The following LRP1B variants were observed in gnomAD, a reference collection of about 807,000 sequenced individuals.
LRP1B encodes low-density lipoprotein receptor-related protein 1B.
Under a neutral mutation model 556.6 loss-of-function variants are expected in LRP1B, and 217 were observed. The observed-to-expected ratio is 0.39, with a 90% CI of 0.35 to 0.44. LRP1B has a LOEUF of 0.44. LRP1B is among the 20% of genes least tolerant of loss of function. The probability of loss-of-function intolerance (pLI) is 1.00; values close to 1 mark genes in which losing one functional copy is unlikely to be tolerated. For missense variants in LRP1B, 5,053 were observed against 5,620.8 expected (o/e 0.90, Z 3.23); for synonymous variants, 2,047 against 1,865.8 (o/e 1.10, Z -2.50).
At chr2:140,736,440 G>A (rs146262241) in intron 35 of LRP1B, among the ~76,000 whole-genome samples, 98 of 152,130 alleles carry the variant, frequency 6.4e-4, no homozygotes, top group African/African-American at 2.3e-3. Flanking sequence ...AGCCAAAAGA[G>A]CAAAGCTGGA....
intron 1 of LRP1B, among the ~76,000 whole-genome samples, chr2:141,935,976 C>T (rs1700625465): frequency 6.6e-6 from 1 of 152,074 alleles, no homozygotes; most frequent in Admixed American, 6.6e-5. Flanking sequence ...TAAATCATGC[C>T]ACTTTCAAGT....
At chr2:141,744,809 C>G (rs562611956) in intron 2 of LRP1B, among the ~76,000 whole-genome samples, 9 of 152,242 alleles carry the variant, frequency 5.9e-5, no homozygotes, top group Middle Eastern at 6.8e-3. Flanking sequence ...TCTTCACAGT[C>G]TGGGCTTGTT....
At chr2:140,763,086 G>C (rs1407037132) in intron 35 of LRP1B, among the ~76,000 whole-genome samples, 1 of 152,002 alleles carries the variant, frequency 6.6e-6, no homozygotes, top group Admixed American at 6.6e-5. Context: ...AAAATAGTTT[G>C]ACCTATCTAT....
At chr2:141,512,575 C>A (rs909551486) in intron 2 of LRP1B, among the ~76,000 whole-genome samples, 5 of 152,112 alleles carry the variant, frequency 3.3e-5, no homozygotes, top group Admixed American at 6.6e-5. Flanking sequence ...GAGCTGAGCA[C>A]ACCTGTCAGA....
At chr2:141,877,836 A>T (rs1698820840) in intron 1 of LRP1B, among the ~76,000 whole-genome samples, 1 of 151,988 alleles carries the variant, frequency 6.6e-6, no homozygotes, top group Admixed American at 6.6e-5. Context: ...ATGTTGAGGC[A>T]ATTGCAGTAT....
At chr2:140,899,467 A>AGCT (rs1481102886) in intron 23 of LRP1B, among the ~76,000 whole-genome samples, 1 of 152,226 alleles carries the variant, frequency 6.6e-6, no homozygotes, top group Non-Finnish European at 1.5e-5. Flanking sequence ...TCCATACCAC[A>AGCT]GCTTGAGATT....
At chr2:141,108,919 ATACCACCAG>A (rs1700679995) in intron 7 of LRP1B, among the ~76,000 whole-genome samples, 1 of 148,296 alleles carries the variant, frequency 6.7e-6, no homozygotes, top group South Asian at 2.1e-4. Context: ...AACTAATGAA[ATACCACCAG>A]GTTAGGAGTA....
intron 1 of LRP1B, among the ~76,000 whole-genome samples, chr2:141,816,943 T>TA (rs1311113832): frequency 3.9e-5 from 6 of 152,166 alleles, no homozygotes; most frequent in Non-Finnish European, 8.8e-5. Context: ...GAAATCTCAG[T>TA]TAAAAATAGC....
At chr2:140,420,701 A>T (rs1176991332) in intron 66 of LRP1B, among the ~76,000 whole-genome samples, 1 of 152,234 alleles carries the variant, frequency 6.6e-6, no homozygotes, top group Non-Finnish European at 1.5e-5. Flanking sequence ...TGATAGATCC[A>T]GCAACAGGGA....
chr2:141,030,250 A>G lies in LRP1B; in HGVS notation c.1790-10148T>C, dbSNP rs911884143. On this transcript the variant is annotated intron_variant, in intron 11 of 90. Transcript: ENST00000389484. ...TCAGTTTCATTGAAATTCCACATAT[A>G]TAAAATACTTTGAAAAGAAAAATGT... is the stretch of plus-strand genomic sequence containing the variant. Among the ~76,000 whole-genome samples the G allele has an allele frequency of 3.9e-5, 6 of 152,196 alleles. No homozygotes were observed. The East Asian group carries it at 1.2e-3, about 29-fold the overall frequency.
intron 60 of LRP1B, among the ~76,000 whole-genome samples, chr2:140,469,432 C>A (rs1373211868): frequency 6.6e-6 from 1 of 152,124 alleles, no homozygotes; most frequent in Non-Finnish European, 1.5e-5. Context: ...AATAAATTAT[C>A]CAGCCAATAG....
intron 21 of LRP1B, among the ~76,000 whole-genome samples, chr2:140,908,694 T>C (rs943777614): frequency 2.0e-5 from 3 of 152,148 alleles, no homozygotes; most frequent in African/African-American, 7.2e-5. Flanking sequence ...ACGGAATTTA[T>C]AGAATTTTTT....
At chr2:140,762,469 G>A (rs79703634) in intron 35 of LRP1B, among the ~76,000 whole-genome samples, 3,532 of 151,186 alleles carry the variant, frequency 0.023, 61 homozygotes, top group Middle Eastern at 0.054. Flanking sequence ...AAATATTAAG[G>A]GTTTTTTTTG....
chr2:140,835,063 T>C (rs1270629864), intron 31 of LRP1B, among the ~76,000 whole-genome samples: 1 of 152,186 alleles, frequency 6.6e-6, no homozygotes, highest in Non-Finnish European at 1.5e-5. Flanking sequence ...GGTTTTGAAA[T>C]GTATGTGAAG....
At chr2:141,190,317 T>C (rs185077451) in intron 6 of LRP1B, among the ~76,000 whole-genome samples, 13 of 152,112 alleles carry the variant, frequency 8.5e-5, no homozygotes, top group South Asian at 4.1e-4. Context: ...TGCTGTCAAG[T>C]TTATTCCAGA....
chr2:141,487,192 T>C (rs747041750), intron 2 of LRP1B, among the ~76,000 whole-genome samples: 13 of 152,194 alleles, frequency 8.5e-5, no homozygotes, highest in Non-Finnish European at 5.9e-5. Flanking sequence ...GCAACTTTTC[T>C]GACTTCTCCA....
At chr2:140,783,769 G>C (rs1022737710) in intron 32 of LRP1B, among the ~76,000 whole-genome samples, 1 of 152,130 alleles carries the variant, frequency 6.6e-6, no homozygotes, top group Non-Finnish European at 1.5e-5. Flanking sequence ...AGAATCCAGA[G>C]TACACTGCCA....
chr2:141,298,335 G>A (rs1686259868), intron 3 of LRP1B, among the ~76,000 whole-genome samples: 1 of 152,112 alleles, frequency 6.6e-6, no homozygotes, highest in African/African-American at 2.4e-5. Context: ...GCAGGGGCTG[G>A]CCACTCTAGA....
chr2:142,115,857 T>TATATATGTAATATATATATG (rs1553519136), intron 1 of LRP1B, among the ~76,000 whole-genome samples: 782 of 11,518 alleles, frequency 0.068, 367 homozygotes, highest in Non-Finnish European at 0.12. Context: ...TATATATACA[T>TATATATGTAATATATATATG]ATATATATAT....
Sources: allele counts gnomAD v4.1 joint callset (sites outside exome capture counted in the v4.1 genomes callset), GRCh38; gene constraint gnomAD v4.1.1; transcripts MANE v1.5; gene names NCBI Gene and HGNC (gene_info 2026-07-23, HGNC 2026-07-21).